Variants in SNTG2 observed in about 807,000 individuals in gnomAD.
SNTG2 encodes syntrophin gamma 2.
A neutral mutation model predicts 70.9 loss-of-function variants in SNTG2; 74 were observed. The observed-to-expected ratio is 1.04, with a 90% CI of 0.86 to 1.27. The LOEUF is 1.27. Ranked by LOEUF, SNTG2 falls within the 50% of genes most tolerant of loss-of-function variation. SNTG2 has a pLI of 0.00. For missense variants in SNTG2, 717 were observed against 690.7 expected (o/e 1.04, Z -0.43); for synonymous variants, 278 against 273.8 (o/e 1.02, Z -0.15).
At chr2:1,122,728 A>C (rs77039921) in intron 4 of SNTG2, among the ~76,000 whole-genome samples, 1 of 45,784 alleles carries the variant, frequency 2.2e-5, no homozygotes. Context: ...CAGACAAAAA[A>C]AAAAAAAAAA....
At chr2:1,310,519 G>C (rs1680928900) in intron 15 of SNTG2, among the ~76,000 whole-genome samples, 1 of 152,194 alleles carries the variant, frequency 6.6e-6, no homozygotes, top group African/African-American at 2.4e-5. Context: ...ACCTGCAGGG[G>C]CTGATTTTCA....
chr2:1,226,632 C>T (rs1027362367), intron 9 of SNTG2, among the ~76,000 whole-genome samples: 2 of 151,876 alleles, frequency 1.3e-5, no homozygotes. Context: ...GGACACTCTT[C>T]GACTGAACTG....
At chr2:1,318,519 G>T (rs1292584941) in intron 16 of SNTG2, among the ~76,000 whole-genome samples, 1 of 152,218 alleles carries the variant, frequency 6.6e-6, no homozygotes, top group Non-Finnish European at 1.5e-5. Flanking sequence ...CTCCTGGGCT[G>T]GGGGAGAGCG....
intron 6 of SNTG2, among the ~76,000 whole-genome samples, chr2:1,153,893 A>G (rs1375984197): frequency 6.6e-6 from 1 of 152,204 alleles, no homozygotes; most frequent in South Asian, 2.1e-4. Context: ...AACTGCTAAA[A>G]TAGGGACTTA....
intron 4 of SNTG2, among the ~76,000 whole-genome samples, chr2:1,099,841 A>C (rs1558398269): frequency 6.6e-6 from 1 of 152,216 alleles, no homozygotes. Flanking sequence ...TGAAATTTGC[A>C]TCCGGGTAAA....
intron 1 of SNTG2, among the ~76,000 whole-genome samples, chr2:1,014,625 G>GGT (rs1659823591): frequency 7.9e-6 from 1 of 126,240 alleles, no homozygotes; most frequent in Non-Finnish European, 1.8e-5. Context: ...GATTTATAAG[G>GGT]ACAGAGAGAA....
intron 1 of SNTG2, chr2:1,068,449 C>T (rs192900004): frequency 2.2e-4 from 33 of 152,228 alleles, no homozygotes; most frequent in Non-Finnish European, 3.8e-4. Flanking sequence ...CCAGGGGTTA[C>T]GATCTGTTAT....
intron 4 of SNTG2, among the ~76,000 whole-genome samples, chr2:1,111,327 G>C (rs1487936327): frequency 1.3e-5 from 2 of 152,210 alleles, no homozygotes; most frequent in Non-Finnish European, 2.9e-5. Flanking sequence ...TTTAAATTCT[G>C]AGTAACAAGA....
intron 9 of SNTG2, among the ~76,000 whole-genome samples, chr2:1,232,278 T>C (rs1266037075): frequency 1.3e-5 from 2 of 152,270 alleles, no homozygotes; most frequent in South Asian, 4.1e-4. Context: ...AACACTTTAT[T>C]TGTGGCCTGA....
chr2:1,256,283 A>C (rs766463229), intron 12 of SNTG2: 1 of 152,128 alleles, frequency 6.6e-6, no homozygotes, highest in African/African-American at 2.4e-5. Flanking sequence ...AAGTGTCGTG[A>C]CGTGGTGCAT....
At chr2:1,164,545 T>G (rs1572618559) in intron 6 of SNTG2, among the ~76,000 whole-genome samples, 1 of 132,614 alleles carries the variant, frequency 7.5e-6, no homozygotes, top group East Asian at 2.4e-4. Context: ...GCAGTCTCTG[T>G]GTAGAGGAGA....
At position 1,222,119 on chromosome 2, in the gene SNTG2, C is replaced by G. The variant is rs866238351; in HGVS notation, c.719+12889C>G. On this transcript the variant is annotated intron_variant, in intron 9 of 16. Transcript: ENST00000308624. ...TGTCTCTCTCTGTCTCTCTCTGTCT[C>G]TCTCTGTCTCTCTCTGTCTCTCTCT... is the stretch of plus-strand genomic sequence containing the variant. Among the ~76,000 whole-genome samples, 38 of 107,714 alleles carry G rather than the reference C, an allele frequency of 3.5e-4. 1 individual carries two copies. Among genetic ancestry groups the G allele is most frequent in the African/African-American group, 7.9e-4 (17 of 21,634 alleles). The allele number at this position is 107,714 out of a possible 152,430, so 70.7% of individuals were successfully genotyped here.
At chr2:1,008,216 C>A (rs1659627887) in intron 1 of SNTG2, among the ~76,000 whole-genome samples, 1 of 152,044 alleles carries the variant, frequency 6.6e-6, no homozygotes, top group Admixed American at 6.5e-5. Flanking sequence ...AGTAGTTGAT[C>A]TGTGTTTCTG....
At chr2:1,364,048 G>A (rs1661341708) in intron 16 of SNTG2, among the ~76,000 whole-genome samples, 1 of 152,134 alleles carries the variant, frequency 6.6e-6, no homozygotes, top group Non-Finnish European at 1.5e-5. Context: ...TCGGCTCACT[G>A]CAACTTCCGC....
intron 6 of SNTG2, chr2:1,160,049 TATC>T (rs1670168518): frequency 6.6e-6 from 1 of 152,110 alleles, no homozygotes; most frequent in Non-Finnish European, 1.5e-5. Context: ...ATAAAGAAAG[TATC>T]ATGTCTAACA....
intron 2 of SNTG2, among the ~76,000 whole-genome samples, chr2:1,093,197 C>T (rs1232166562): frequency 6.6e-6 from 1 of 152,140 alleles, no homozygotes; most frequent in Non-Finnish European, 1.5e-5. Flanking sequence ...CGATCCGCAC[C>T]TGCTTGTGGG....
chr2:1,225,258 C>T (rs1015664218), intron 9 of SNTG2, among the ~76,000 whole-genome samples: 85 of 152,234 alleles, frequency 5.6e-4, no homozygotes, highest in African/African-American at 1.8e-3. Flanking sequence ...GTAATTTACA[C>T]GGTGTTTATT....
chr2:1,115,931 G>A (rs758006815), intron 4 of SNTG2, among the ~76,000 whole-genome samples: 1 of 152,244 alleles, frequency 6.6e-6, no homozygotes, highest in Admixed American at 6.5e-5. Flanking sequence ...GAGTGGCCCC[G>A]AGATGGCCCA....
rs532827196 is a variant in SNTG2, at chr2:1,148,988, A to T, written c.411+11179A>T. Among the ~76,000 whole-genome samples, 402 of 152,202 alleles carry T rather than the reference A, an allele frequency of 2.6e-3. 11 individuals carry two copies. In the South Asian group the frequency reaches 0.04, roughly 15 times the overall value. On this transcript the variant is annotated intron_variant, in intron 6 of 16. Transcript: ENST00000308624. ...CTGTGCATCGCCCCTTTCCCTAAAA[A>T]TAACAAACAGTGACTGTTGTCAGGT...
Sources: gnomAD v4.1 joint callset for allele counts (sites outside exome capture counted in the v4.1 genomes callset) on GRCh38, gnomAD v4.1.1 for gene constraint, MANE v1.5 for transcripts, NCBI Gene and HGNC (gene_info 2026-07-23, HGNC 2026-07-21) for gene names.